Variants in CPE observed in about 807,000 individuals in gnomAD.
The protein encoded by CPE is carboxypeptidase E.
A neutral mutation model predicts 53.5 loss-of-function variants in CPE; 17 were observed. The ratio of observed to expected loss-of-function variants is 0.32; its 90% confidence interval spans 0.22 to 0.48. The LOEUF (loss-of-function observed/expected upper bound fraction) is 0.48, where lower values mean the gene tolerates loss of function less well. Among genes scored for constraint, CPE ranks in the 20% least tolerant of loss-of-function variants. The pLI, the probability that CPE is intolerant of heterozygous loss-of-function variation, is 0.99. For synonymous variants in CPE, 226 were observed against 228.8 expected (o/e 0.99, Z 0.11); for missense variants, 524 against 614.7 (o/e 0.85, Z 1.56).
chr4:165,493,654 A>G (rs569278829), intron 7 of CPE, among the ~76,000 whole-genome samples: 25 of 152,276 alleles, frequency 1.6e-4, no homozygotes, highest in Middle Eastern at 3.4e-3. Context: ...GAATGGGGAG[A>G]CCGAAGGAGG....
chr4:165,400,369 A>G (rs1013461819), intron 1 of CPE, among the ~76,000 whole-genome samples: 2 of 152,190 alleles, frequency 1.3e-5, no homozygotes, highest in Admixed American at 1.3e-4. Flanking sequence ...AACTTAGAAC[A>G]CACCAACATT....
Position 165,484,481 on chromosome 4 carries a change from G to A in CPE, c.850G>A (p.Ala284Thr), listed in dbSNP as rs2126712544. Residue 284 changes from alanine (A) to threonine (T), a missense_variant, in exon 5 of 9, where the codon GCA becomes ACA. Coordinates refer to ENST00000402744, the MANE Select transcript of CPE (RefSeq NM_001873.4). ...DDAIFQSLAR[A>T]YSSFNPAMSD... ...CGCCATTTTCCAAAGCTTGGCCCGG[G>A]CATACTCTTCTTTCAACCCGGCCAT... 1.2e-6 allele frequency: 2 copies of A among 1,614,036 alleles called. No individual in the cohort carries two copies. Among genetic ancestry groups the A allele is most frequent in the Non-Finnish European group, 1.7e-6 (2 of 1,179,964 alleles).
intron 7 of CPE, among the ~76,000 whole-genome samples, chr4:165,495,355 G>C (rs1047806758): frequency 6.6e-6 from 1 of 152,154 alleles, no homozygotes; most frequent in South Asian, 2.1e-4. Context: ...CTATAAAGTA[G>C]CTATAAGAAA....
intron 1 of CPE, among the ~76,000 whole-genome samples, chr4:165,394,662 C>T (rs1367206737): frequency 6.8e-6 from 1 of 147,164 alleles, no homozygotes. Context: ...ATTTCTTGGG[C>T]CCAGTAGTTC....
At chr4:165,438,208 G>T (rs574124019) in intron 1 of CPE, among the ~76,000 whole-genome samples, 1 of 152,268 alleles carries the variant, frequency 6.6e-6, no homozygotes, top group East Asian at 1.9e-4. Flanking sequence ...AACAGACCCA[G>T]TGGGAGATGA....
chr4:165,447,342 G>A (rs542819139), intron 1 of CPE, among the ~76,000 whole-genome samples: 3 of 152,142 alleles, frequency 2.0e-5, no homozygotes, highest in East Asian at 3.9e-4. Flanking sequence ...AGACCGAGGC[G>A]GGCAGATTAC....
chr4:165,422,407 A>G (rs1731241532), intron 1 of CPE, among the ~76,000 whole-genome samples: 2 of 152,250 alleles, frequency 1.3e-5, no homozygotes, highest in South Asian at 4.1e-4. Flanking sequence ...ATATTTAAGC[A>G]GGAAAGCAGG....
At chr4:165,388,013 A>G (rs1219828165) in intron 1 of CPE, among the ~76,000 whole-genome samples, 5 of 152,212 alleles carry the variant, frequency 3.3e-5, no homozygotes, top group Admixed American at 6.5e-5. Context: ...GCAACTCCTC[A>G]TATGTTCAGA....
intron 1 of CPE, among the ~76,000 whole-genome samples, chr4:165,414,398 A>G (rs4266249): frequency 0.3 from 45,179 of 152,112 alleles, 6,900 homozygotes; most frequent in Middle Eastern, 0.4. Flanking sequence ...TTATAGAGTC[A>G]GAGTATACTT....
chr4:165,404,129 T>C lies in CPE; in HGVS notation c.307+24601T>C, dbSNP rs1017701624. 4.4e-5 allele frequency: 35 copies of C among 796,046 alleles called. No individual in the cohort carries two copies. The African/African-American group carries it at 4.6e-4, about 10-fold the overall frequency. The allele number at this position is 796,046 out of a possible 1,614,324, so 49.3% of individuals were successfully genotyped here. ...AGCTAGCAGCTGGCTTGGGGTGAAC[T>C]CTTTTCCATAGGCAGCCTCATACTT... On this transcript the variant is annotated intron_variant, in intron 1 of 8. Coordinates refer to ENST00000402744, the MANE Select transcript of CPE (RefSeq NM_001873.4).
chr4:165,395,399 G>A (rs1378912071), intron 1 of CPE, among the ~76,000 whole-genome samples: 1 of 152,150 alleles, frequency 6.6e-6, no homozygotes, highest in Non-Finnish European at 1.5e-5. Context: ...GCCTAGTCAA[G>A]TAAGAGATTA....
At position 165,384,515 on chromosome 4, in the gene CPE, G is replaced by C. The variant is rs112658493; in HGVS notation, c.307+4987G>C. Among the ~76,000 whole-genome samples the C allele has an allele frequency of 2.8e-3, 429 of 152,282 alleles. 3 individuals are homozygous for C. The highest frequency in any genetic ancestry group is 9.7e-3 in the African/African-American group (403 of 41,550). On this transcript the variant is annotated intron_variant, in intron 1 of 8. Transcript: ENST00000402744. ...ATTTGCCTGTAGTCCCAGCTACTTGGGGGGCTTAGGAGGGCGCTTGAGCCC... is the reference window on the plus strand; with the variant it reads ...ATTTGCCTGTAGTCCCAGCTACTTGCGGGGCTTAGGAGGGCGCTTGAGCCC...
chr4:165,454,274 T>C (rs1294044665), intron 1 of CPE, among the ~76,000 whole-genome samples: 1 of 152,224 alleles, frequency 6.6e-6, no homozygotes, highest in Non-Finnish European at 1.5e-5. Flanking sequence ...TGCTTCTTTA[T>C]TCTCCTTCAG....
intron 1 of CPE, chr4:165,405,475 G>A (rs940771858): frequency 1.0e-4 from 89 of 861,472 alleles, no homozygotes; most frequent in Non-Finnish European, 7.9e-5. Context: ...TGGGATAAAG[G>A]GAAAGCCCTT....
At chr4:165,485,407 A>G (rs577991870) in intron 5 of CPE, among the ~76,000 whole-genome samples, 2 of 152,336 alleles carry the variant, frequency 1.3e-5, no homozygotes, top group Admixed American at 6.5e-5. Context: ...TATGTTTAAT[A>G]TGCTTAATTT....
At chr4:165,475,182 T>G (rs1400188310) in intron 3 of CPE, among the ~76,000 whole-genome samples, 6 of 151,486 alleles carry the variant, frequency 4.0e-5, no homozygotes, top group Non-Finnish European at 8.8e-5. Context: ...TTCAAAGGAG[T>G]GTTAACTCAA....
chr4:165,407,084 T>C (rs1019448470), intron 1 of CPE, among the ~76,000 whole-genome samples: 4 of 152,200 alleles, frequency 2.6e-5, no homozygotes, highest in Non-Finnish European at 5.9e-5. Flanking sequence ...ATATGTGTGT[T>C]TATTTCTTTT....
At chr4:165,484,353 C>T (rs2126712454) in intron 4 of CPE, 69 bp from the exon 5 acceptor site, 5 of 1,419,062 alleles carry the variant, frequency 3.5e-6, no homozygotes, top group Non-Finnish European at 4.9e-6. Context: ...TACTGAATCA[C>T]TCTTTAGAAA....
intron 1 of CPE, chr4:165,405,582 C>T (rs552248618): frequency 2.4e-6 from 2 of 816,444 alleles, no homozygotes; most frequent in Admixed American, 1.7e-5. Context: ...TCCACTAATC[C>T]CTTGTCTCTC....
Sources: allele counts gnomAD v4.1 joint callset (sites outside exome capture counted in the v4.1 genomes callset), GRCh38; gene constraint gnomAD v4.1.1; transcripts MANE v1.5; gene names NCBI Gene and HGNC (gene_info 2026-07-23, HGNC 2026-07-21).